ANKRD26: variants seen among roughly 807,000 people sequenced by gnomAD.
ANKRD26 encodes ankyrin repeat domain-containing protein 26.
In ANKRD26, 141 loss-of-function variants were observed where a neutral mutation model predicts 208.7. The observed-to-expected ratio is 0.68, with a 90% CI of 0.59 to 0.78. The LOEUF is 0.78. Ranked by LOEUF, ANKRD26 falls within the 30% of genes least tolerant of loss-of-function variation. The probability of loss-of-function intolerance (pLI) is 0.00; values close to 1 mark genes in which losing one functional copy is unlikely to be tolerated. For missense variants in ANKRD26, 1,889 were observed against 1,938.7 expected (o/e 0.97, Z 0.48); for synonymous variants, 636 against 660.4 (o/e 0.96, Z 0.57).
intron 11 of ANKRD26, 87 bp from the exon 12 acceptor site, chr10:27,064,168 T>C (rs1329023043): frequency 1.3e-5 from 13 of 1,033,618 alleles, no homozygotes; most frequent in Non-Finnish European, 1.9e-5. Flanking sequence ...AAATATAATA[T>C]GAATTTCCTA....
At chr10:26,982,883 C>T (rs766443963) in intron 3 of ANKRD26, among the ~76,000 whole-genome samples, 2 of 152,186 alleles carry the variant, frequency 1.3e-5, no homozygotes, top group Non-Finnish European at 2.9e-5. Flanking sequence ...GCTTCTGCCA[C>T]CAAGTTCCCC....
chr10:27,022,162 G>A (rs1158222387), intron 29 of ANKRD26, among the ~76,000 whole-genome samples: 4 of 152,144 alleles, frequency 2.6e-5, no homozygotes, highest in Non-Finnish European at 1.5e-5. Context: ...ACTAACACAG[G>A]AAGAGAAAAC....
downstream of ANKRD26, among the ~76,000 whole-genome samples, chr10:26,971,675 CAAAAAAAAAA>C (rs1170237211): frequency 1.1e-5 from 1 of 89,456 alleles, no homozygotes; most frequent in Admixed American, 1.2e-4. Flanking sequence ...GACCATGTCT[CAAAAAAAAAA>C]AAAAAAAAGA....
the ANKRD26 span, among the ~76,000 whole-genome samples, chr10:26,968,643 A>G: frequency 6.6e-6 from 1 of 152,332 alleles, no homozygotes; most frequent in South Asian, 2.1e-4. Context: ...GGAAAATATG[A>G]AGAAAGAAAG....
the ANKRD26 span, among the ~76,000 whole-genome samples, chr10:26,948,667 G>C: frequency 6.6e-6 from 1 of 152,132 alleles, no homozygotes; most frequent in African/African-American, 2.4e-5. Flanking sequence ...AACCACATGA[G>C]TTATTCTCAA....
chr10:26,973,649 CTT>C (rs71386903), downstream of ANKRD26, among the ~76,000 whole-genome samples: 7 of 88,424 alleles, frequency 7.9e-5, no homozygotes, highest in Admixed American at 3.4e-4. Context: ...TTTATTTGTC[CTT>C]TTTTTTTTTT....
chr10:27,017,834 G>T, intron 29 of ANKRD26, 42 bp from the exon 30 acceptor site: 1 of 1,563,834 alleles, frequency 6.4e-7, no homozygotes, highest in Non-Finnish European at 8.7e-7. Flanking sequence ...GAAGGAAGTA[G>T]CCTGAGAATA....
intron 5 of ANKRD26, among the ~76,000 whole-genome samples, chr10:26,979,025 A>G (rs1474352865): frequency 1.3e-5 from 2 of 152,156 alleles, no homozygotes; most frequent in African/African-American, 4.8e-5. Flanking sequence ...GATCGAGACC[A>G]TCTTGCCTAA....
At chr10:27,019,696 T>G (rs1235249056) in intron 29 of ANKRD26, among the ~76,000 whole-genome samples, 1 of 152,208 alleles carries the variant, frequency 6.6e-6, no homozygotes, top group Non-Finnish European at 1.5e-5. Context: ...CTGCTTAACA[T>G]TGTTTGCCAT....
At chr10:26,988,448 T>C (rs1437690990), downstream of ANKRD26, among the ~76,000 whole-genome samples, 1 of 152,144 alleles carries the variant, frequency 6.6e-6, no homozygotes, top group African/African-American at 2.4e-5. Context: ...CATCCACTTA[T>C]TGGATAAGCA....
the ANKRD26 span, among the ~76,000 whole-genome samples, chr10:26,956,401 T>C: frequency 4.9e-3 from 741 of 152,296 alleles, 7 homozygotes; most frequent in African/African-American, 0.017. Flanking sequence ...ACATCTCTTA[T>C]GAAAAAATAT....
chr10:27,087,508 T>A (rs2056162145), intron 4 of ANKRD26, among the ~76,000 whole-genome samples: 1 of 152,266 alleles, frequency 6.6e-6, no homozygotes, highest in Non-Finnish European at 1.5e-5. Context: ...ATTTTGGTTA[T>A]TAGTTATTCT....
downstream of ANKRD26, among the ~76,000 whole-genome samples, chr10:27,001,800 A>T (rs1250509979): frequency 6.6e-6 from 1 of 152,148 alleles, no homozygotes; most frequent in African/African-American, 2.4e-5. Context: ...CAGCTTGCTT[A>T]TCTATGTCAG....
intron 16 of ANKRD26, among the ~76,000 whole-genome samples, chr10:27,052,656 T>A (rs796238292): frequency 9.3e-4 from 141 of 152,262 alleles, no homozygotes; most frequent in African/African-American, 3.3e-3. Flanking sequence ...CTAAGGTTCA[T>A]TAATAGTGGA....
chr10:27,037,762 G>T (rs1340000899), intron 22 of ANKRD26, 109 bp downstream of exon 22: 4 of 903,706 alleles, frequency 4.4e-6, no homozygotes, highest in African/African-American at 3.4e-5. Context: ...GTCAGCTTGA[G>T]ATAACAGTTT....
intron 9 of ANKRD26, 96 bp from the exon 10 acceptor site, chr10:27,067,382 AC>A (rs928014825): frequency 3.5e-5 from 49 of 1,391,518 alleles, no homozygotes; most frequent in Non-Finnish European, 3.9e-5. Context: ...TACTTGCACT[AC>A]CATAAAGAAA....
At chr10:26,995,523 T>C (rs1349825778) in intron 4 of ANKRD26, among the ~76,000 whole-genome samples, 1 of 152,184 alleles carries the variant, frequency 6.6e-6, no homozygotes, top group Non-Finnish European at 1.5e-5. Flanking sequence ...GATCAGACCA[T>C]TCACTTCATA....
downstream of ANKRD26, among the ~76,000 whole-genome samples, chr10:26,972,333 T>C (rs1387982269): frequency 6.6e-6 from 1 of 151,754 alleles, no homozygotes; most frequent in Non-Finnish European, 1.5e-5. Context: ...TTACTGTCGG[T>C]AATAAGTTAG....
chr10:27,098,695 C>T (rs954112320), intron 1 of ANKRD26, among the ~76,000 whole-genome samples: 1 of 151,972 alleles, frequency 6.6e-6, no homozygotes, highest in Admixed American at 6.6e-5. Flanking sequence ...ACTACAGGCG[C>T]CCGCCACCAT....
Sources: allele counts gnomAD v4.1 joint callset (sites outside exome capture counted in the v4.1 genomes callset), GRCh38; gene constraint gnomAD v4.1.1; transcripts MANE v1.5; gene names NCBI Gene and HGNC (gene_info 2026-07-23, HGNC 2026-07-21).